NMNAT2: variants seen among roughly 807,000 people sequenced by gnomAD.
NMNAT2 encodes the protein nicotinamide nucleotide adenylyltransferase 2, also known as nicotinamide/nicotinic acid mononucleotide adenylyltransferase 2.
Under a neutral mutation model 41.6 loss-of-function variants are expected in NMNAT2, and 11 were observed. That is an observed-to-expected ratio of 0.26 (90% CI 0.17 to 0.44). NMNAT2 has a LOEUF of 0.44. Ranked by LOEUF, NMNAT2 falls within the 20% of genes least tolerant of loss-of-function variation. The pLI is 1.00. For missense variants in NMNAT2, 288 were observed against 407.7 expected (o/e 0.71, Z 2.53); for synonymous variants, 148 against 151.2 (o/e 0.98, Z 0.16).
intron 1 of NMNAT2, among the ~76,000 whole-genome samples, chr1:183,389,828 GA>G (rs1238893433): frequency 3.8e-5 from 2 of 53,008 alleles, no homozygotes; most frequent in African/African-American, 1.2e-4. Flanking sequence ...AAGAAAGAAA[GA>G]AAGAAAGAAA....
intron 3 of NMNAT2, among the ~76,000 whole-genome samples, chr1:183,292,138 AT>A (rs1372555492): frequency 6.6e-6 from 1 of 152,376 alleles, no homozygotes; most frequent in East Asian, 1.9e-4. Flanking sequence ...ACATCATCTT[AT>A]CATGCAAATT....
chr1:183,260,893 G>A (rs1340205632), intron 10 of NMNAT2, 109 bp downstream of exon 10: 5 of 824,044 alleles, frequency 6.1e-6, no homozygotes, highest in East Asian at 2.4e-5. Flanking sequence ...TAAACACCAG[G>A]GCAGCAGATG....
chr1:183,331,836 G>A (rs1299624067), intron 1 of NMNAT2, among the ~76,000 whole-genome samples: 1 of 152,152 alleles, frequency 6.6e-6, no homozygotes, highest in Non-Finnish European at 1.5e-5. Flanking sequence ...CACCCAGGCT[G>A]GAGTACAGTG....
chr1:183,315,914 A>C (rs938027970), intron 1 of NMNAT2, among the ~76,000 whole-genome samples: 64 of 152,334 alleles, frequency 4.2e-4, no homozygotes, highest in Middle Eastern at 3.4e-3. Flanking sequence ...TAAAGTAAAA[A>C]AATAAAAAAA....
At chr1:183,322,952 G>C (rs1311330205) in intron 1 of NMNAT2, among the ~76,000 whole-genome samples, 1 of 152,018 alleles carries the variant, frequency 6.6e-6, no homozygotes, top group East Asian at 1.9e-4. Flanking sequence ...TTTTTCTTTA[G>C]ATGGAGTCTT....
intron 1 of NMNAT2, among the ~76,000 whole-genome samples, chr1:183,340,558 G>A (rs551132205): frequency 9.3e-4 from 141 of 152,026 alleles, no homozygotes; most frequent in African/African-American, 3.2e-3. Flanking sequence ...TCCTGACCTC[G>A]GGTGATCCGC....
intron 1 of NMNAT2, among the ~76,000 whole-genome samples, chr1:183,320,184 G>A (rs546485520): frequency 4.9e-4 from 74 of 152,374 alleles, no homozygotes; most frequent in African/African-American, 1.7e-3. Context: ...TAGGAATGAG[G>A]AGAGAGGTGA....
chr1:183,408,411 T>C (rs1273125142), intron 1 of NMNAT2, among the ~76,000 whole-genome samples: 1 of 152,232 alleles, frequency 6.6e-6, no homozygotes, highest in Non-Finnish European at 1.5e-5. Flanking sequence ...ATTGTTATTT[T>C]ACATTTTTTT....
intron 1 of NMNAT2, among the ~76,000 whole-genome samples, chr1:183,397,566 C>T (rs1487257513): frequency 6.6e-6 from 1 of 152,084 alleles, no homozygotes. Flanking sequence ...CAAAGAACGC[C>T]ACAAAGACTC....
At chr1:183,365,312 C>T (rs945557133) in intron 1 of NMNAT2, among the ~76,000 whole-genome samples, 3 of 151,470 alleles carry the variant, frequency 2.0e-5, no homozygotes, top group Admixed American at 6.6e-5. Context: ...GGCAACAGAG[C>T]GGCAGCCCAG....
intron 8 of NMNAT2, 109 bp downstream of exon 8, chr1:183,278,444 T>G: frequency 1.4e-6 from 1 of 705,562 alleles, no homozygotes; most frequent in Non-Finnish European, 2.6e-6. Flanking sequence ...GTGAACGGAC[T>G]GCCCTCTTAG....
At chr1:183,296,522 C>CTGT (rs1661701556) in intron 1 of NMNAT2, among the ~76,000 whole-genome samples, 1 of 148,594 alleles carries the variant, frequency 6.7e-6, no homozygotes, top group Non-Finnish European at 1.5e-5. Context: ...GTCACATTTG[C>CTGT]TTTTTTTTTT....
chr1:183,290,112 G>A lies in NMNAT2; in HGVS notation c.321+16C>T, dbSNP rs201924909. The A allele has an allele frequency of 5.1e-6, 8 of 1,562,596 alleles. No homozygotes were observed. Among genetic ancestry groups the A allele is most frequent in the Non-Finnish European group, 2.6e-6 (3 of 1,152,080 alleles). On this transcript the variant is annotated intron_variant, in intron 4 of 10. Transcript: ENST00000287713. ...ACTCTGGTGGTTCACGCATCCCCAG[G>A]CTTGGCCCAGCTCACCTTCATGAGG... is the stretch of plus-strand genomic sequence containing the variant.
chr1:183,353,996 G>A (rs960681394), intron 1 of NMNAT2, among the ~76,000 whole-genome samples: 2 of 152,132 alleles, frequency 1.3e-5, no homozygotes, highest in African/African-American at 4.8e-5. Flanking sequence ...GTTCACTAAG[G>A]ATGGCAATGA....
At chr1:183,267,001 G>T in intron 8 of NMNAT2, 1 of 168,008 alleles carries the variant, frequency 6.0e-6, no homozygotes, top group South Asian at 1.4e-4. Context: ...TCTAGGAGAA[G>T]ATGATGGTAA....
At chr1:183,367,407 G>GA (rs1448695976) in intron 1 of NMNAT2, among the ~76,000 whole-genome samples, 1 of 152,162 alleles carries the variant, frequency 6.6e-6, no homozygotes, top group Non-Finnish European at 1.5e-5. Context: ...GCAGTGAGCC[G>GA]AGATCGTGCC....
In NMNAT2 at chr1:183,354,967, C is replaced by T. The variant is rs577771160; in HGVS notation, c.86-61174G>A. 1.4e-3 allele frequency among the ~76,000 whole-genome samples: 210 copies of T among 152,302 alleles called. 3 individuals carry two copies. The highest frequency in any genetic ancestry group is 3.4e-3 in the Middle Eastern group (1 of 294). On this transcript the variant is annotated intron_variant, in intron 1 of 10. Transcript: ENST00000287713. The stretch of plus-strand genomic sequence containing the variant: ...TTTCGAAACATATATCAGAACATGT[C>T]AATTTTCTGCTCAACAAAGGCTCCT...
At chr1:183,410,090 C>G (rs1239733193) in intron 1 of NMNAT2, among the ~76,000 whole-genome samples, 2 of 151,640 alleles carry the variant, frequency 1.3e-5, no homozygotes, top group Admixed American at 6.6e-5. Context: ...AGGCGGATCA[C>G]CTGAGGTCAG....
At position 183,327,026 on chromosome 1, in the gene NMNAT2, TTATGTATG is replaced by T. The variant is rs368278255; in HGVS notation, c.86-33241_86-33234del. Among the ~76,000 whole-genome samples, 388 of 143,278 alleles carry T rather than the reference TTATGTATG, an allele frequency of 2.7e-3. 1 individual carries two copies. Among genetic ancestry groups the T allele is most frequent in the Non-Finnish European group, 4.1e-3 (270 of 65,262 alleles). The allele number at this position is 143,278 out of a possible 152,430, so 94.0% of individuals were successfully genotyped here. On this transcript the variant is annotated intron_variant, in intron 1 of 10. Transcript: ENST00000287713. ...TCTCAGCAGTATTCATAATTATATT[TTATGTATG>T]TATGTATGTATGTATGTATGTATGT... is the stretch of plus-strand genomic sequence containing the variant.
Sources: allele counts gnomAD v4.1 joint callset (sites outside exome capture counted in the v4.1 genomes callset), GRCh38; gene constraint gnomAD v4.1.1; transcripts MANE v1.5; gene names NCBI Gene and HGNC (gene_info 2026-07-23, HGNC 2026-07-21).